RARB: variants seen among roughly 807,000 people sequenced by gnomAD.
RARB encodes HBV-activated protein.
In RARB, 17 loss-of-function variants were observed where a neutral mutation model predicts 51.9. That is an observed-to-expected ratio of 0.33 (90% CI 0.22 to 0.49). The LOEUF (loss-of-function observed/expected upper bound fraction) is 0.49, where lower values mean the gene tolerates loss of function less well. RARB is among the 20% of genes least tolerant of loss of function. The probability of loss-of-function intolerance (pLI) is 0.99; values close to 1 mark genes in which losing one functional copy is unlikely to be tolerated. For missense variants in RARB, 369 were observed against 550.8 expected (o/e 0.67, Z 3.30); for synonymous variants, 215 against 195.4 (o/e 1.10, Z -0.84).
chr3:25,119,582 C>G (rs1455712911), intron 3 of RARB, among the ~76,000 whole-genome samples: 1 of 150,968 alleles, frequency 6.6e-6, no homozygotes, highest in Non-Finnish European at 1.5e-5. Flanking sequence ...CAGCACAGGA[C>G]AGGTGGTAGG....
chr3:25,191,084 C>T (rs1350198259), intron 5 of RARB, among the ~76,000 whole-genome samples: 1 of 152,036 alleles, frequency 6.6e-6, no homozygotes, highest in East Asian at 1.9e-4. Flanking sequence ...TCAGCATGGG[C>T]ATGTATTACA....
chr3:24,924,610 A>G (rs1210725965), intron 2 of RARB, among the ~76,000 whole-genome samples: 1 of 152,226 alleles, frequency 6.6e-6, no homozygotes, highest in Non-Finnish European at 1.5e-5. Flanking sequence ...TTACTCAGTC[A>G]GTATATAAAG....
At chr3:24,923,755 C>G (rs1195171561) in intron 2 of RARB, among the ~76,000 whole-genome samples, 4 of 152,088 alleles carry the variant, frequency 2.6e-5, no homozygotes, top group Non-Finnish European at 5.9e-5. Context: ...CTGAGCAAAC[C>G]TAGAGTTTAG....
chr3:25,219,636 A>C (rs1701903522), intron 5 of RARB, among the ~76,000 whole-genome samples: 1 of 152,132 alleles, frequency 6.6e-6, no homozygotes, highest in Admixed American at 6.5e-5. Context: ...ACCACTCCCC[A>C]AGCCCAAACC....
intron 5 of RARB, among the ~76,000 whole-genome samples, chr3:25,386,428 C>T (rs1437311803): frequency 6.6e-6 from 1 of 152,038 alleles, no homozygotes; most frequent in Non-Finnish European, 1.5e-5. Flanking sequence ...AGTTATTGAA[C>T]GATTTTATAA....
intron 5 of RARB, among the ~76,000 whole-genome samples, chr3:25,415,605 T>G (rs1707682872): frequency 1.3e-5 from 2 of 152,226 alleles, no homozygotes; most frequent in Non-Finnish European, 2.9e-5. Context: ...ATTCATGAGT[T>G]AAAAACACAA....
At position 25,164,730 on chromosome 3, in the gene RARB, G is replaced by T. The variant is rs1199966631; in HGVS notation, c.-279-9389G>T. Among the ~76,000 whole-genome samples the T allele has an allele frequency of 5.3e-5, 8 of 152,232 alleles. No individual in the cohort carries two copies. The East Asian group carries it at 1.4e-3, about 26-fold the overall frequency. ...TTTTTCTTTTATAAAATGAATAAAT[G>T]TTCCATAAACTTATTTTCAAATAGA... On this transcript the variant is annotated intron_variant, in intron 4 of 11. Transcript: ENST00000383772.
intron 3 of RARB, among the ~76,000 whole-genome samples, chr3:25,539,002 G>A (rs1434401558): frequency 2.0e-5 from 3 of 152,160 alleles, no homozygotes; most frequent in Non-Finnish European, 4.4e-5. Context: ...TCTTGCCTAA[G>A]CTTTTTAAAA....
At chr3:24,870,710 A>C (rs368883155) in intron 2 of RARB, among the ~76,000 whole-genome samples, 47 of 152,220 alleles carry the variant, frequency 3.1e-4, no homozygotes, top group African/African-American at 1.1e-3. Flanking sequence ...GTGGATGAGT[A>C]CTTTTTACTG....
At chr3:25,212,628 A>G (rs545953828) in intron 5 of RARB, among the ~76,000 whole-genome samples, 1 of 152,348 alleles carries the variant, frequency 6.6e-6, no homozygotes, top group South Asian at 2.1e-4. Context: ...AAAGAAAAAA[A>G]GAAGTGAATC....
At chr3:25,094,183 C>G (rs1414488012) in intron 3 of RARB, among the ~76,000 whole-genome samples, 1 of 152,138 alleles carries the variant, frequency 6.6e-6, no homozygotes, top group Non-Finnish European at 1.5e-5. Flanking sequence ...CTGTTACTTG[C>G]ATATAGAAGG....
intron 2 of RARB, among the ~76,000 whole-genome samples, chr3:25,011,047 A>G (rs1364649780): frequency 6.6e-6 from 1 of 152,106 alleles, no homozygotes. Flanking sequence ...AAGTTAACCT[A>G]TATCTGTTCG....
intron 3 of RARB, among the ~76,000 whole-genome samples, chr3:25,533,774 G>C (rs552646590): frequency 2.8e-4 from 42 of 152,282 alleles, no homozygotes; most frequent in African/African-American, 9.9e-4. Context: ...TTAAAGCAGG[G>C]ACTATCTGTA....
intron 1 of RARB, among the ~76,000 whole-genome samples, chr3:25,435,678 C>T (rs1201707953): frequency 1.3e-5 from 2 of 152,128 alleles, no homozygotes; most frequent in East Asian, 3.8e-4. Context: ...CCTCAGAATG[C>T]TTTCATTGGC....
At chr3:24,988,706 AATT>A (rs1696847187) in intron 2 of RARB, among the ~76,000 whole-genome samples, 1 of 152,218 alleles carries the variant, frequency 6.6e-6, no homozygotes, top group South Asian at 2.1e-4. Flanking sequence ...AATGATATCA[AATT>A]ATTGTTAGAC....
At position 25,165,950 on chromosome 3, in the gene RARB, T is replaced by C. The variant is rs142260569; in HGVS notation, c.-279-8169T>C. Among the ~76,000 whole-genome samples the C allele has an allele frequency of 2.1e-3, 319 of 152,278 alleles. 2 individuals are homozygous for C. The highest frequency in any genetic ancestry group is 0.021 in the East Asian group (107 of 5,168). On this transcript the variant is annotated intron_variant, in intron 4 of 11. Transcript: ENST00000383772. ...GAATCTTACATATTTCTTTTTAAAA[T>C]GGCCTAAAAAGAAATACAGGGACAT... is the stretch of plus-strand genomic sequence containing the variant.
rs115790220 is a variant in RARB at position 25,294,806 on chromosome 3, G to A, written c.178+120231G>A. On this transcript the variant is annotated intron_variant, in intron 5 of 11. Coordinates refer to the RARB transcript ENST00000383772. The stretch of plus-strand genomic sequence containing the variant: ...TGTTTCTGTAAAAGAAGAGAGAGGA[G>A]GAAGAGGGAGTGGAGGGGGGAAGGA... Among the ~76,000 whole-genome samples, 1,011 of 150,440 alleles carry A rather than the reference G, an allele frequency of 6.7e-3. 5 individuals carry two copies. Among genetic ancestry groups the A allele is most frequent in the Middle Eastern group, 0.028 (8 of 290 alleles).
intron 2 of RARB, among the ~76,000 whole-genome samples, chr3:25,037,107 G>A (rs913371346): frequency 6.6e-6 from 1 of 152,034 alleles, no homozygotes; most frequent in East Asian, 1.9e-4. Flanking sequence ...TTATAGCTTC[G>A]TTGAAGCGGA....
intron 2 of RARB, among the ~76,000 whole-genome samples, chr3:24,879,565 T>G (rs1195710058): frequency 6.7e-6 from 1 of 149,860 alleles, no homozygotes; most frequent in Non-Finnish European, 1.5e-5. Context: ...GGCTCTCCTC[T>G]GTAATCCCAG....
Sources: gnomAD v4.1 joint callset for allele counts (sites outside exome capture counted in the v4.1 genomes callset) on GRCh38, gnomAD v4.1.1 for gene constraint, MANE v1.5 for transcripts, NCBI Gene and HGNC (gene_info 2026-07-23, HGNC 2026-07-21) for gene names.